Variants in DLG2 observed in about 807,000 individuals in gnomAD.
The protein encoded by DLG2 is disks large homolog 2.
A neutral mutation model predicts 132.5 loss-of-function variants in DLG2; 45 were observed. The observed-to-expected ratio is 0.34, with a 90% CI of 0.27 to 0.44. The LOEUF is 0.44. Among genes scored for constraint, DLG2 ranks in the 20% least tolerant of loss-of-function variants. The pLI is 1.00. For missense variants in DLG2, 1,045 were observed against 1,196.9 expected (o/e 0.87, Z 1.87); for synonymous variants, 424 against 419.6 (o/e 1.01, Z -0.13).
At chr11:83,850,961 G>A (rs1197109714) in intron 16 of DLG2, among the ~76,000 whole-genome samples, 1 of 152,112 alleles carries the variant, frequency 6.6e-6, no homozygotes, top group Non-Finnish European at 1.5e-5. Context: ...CAGATCACGA[G>A]GTCAGGAGAT....
chr11:84,815,935 G>T (rs2077040939), intron 6 of DLG2, among the ~76,000 whole-genome samples: 1 of 151,968 alleles, frequency 6.6e-6, no homozygotes, highest in Non-Finnish European at 1.5e-5. Flanking sequence ...TGTAGCAATT[G>T]CCCAATAGGG....
intron 8 of DLG2, among the ~76,000 whole-genome samples, chr11:84,172,282 C>T (rs2095842573): frequency 6.6e-6 from 1 of 151,974 alleles, no homozygotes; most frequent in Non-Finnish European, 1.5e-5. Flanking sequence ...TTCATTATTC[C>T]TTTCTTTAAA....
At chr11:84,913,311 C>T (rs1301690022) in intron 6 of DLG2, among the ~76,000 whole-genome samples, 2 of 152,036 alleles carry the variant, frequency 1.3e-5, no homozygotes, top group Non-Finnish European at 2.9e-5. Flanking sequence ...GTATTTTTTC[C>T]CCTGTTAGAA....
chr11:84,903,558 CA>C (rs1156808329), intron 6 of DLG2, among the ~76,000 whole-genome samples: 1 of 152,158 alleles, frequency 6.6e-6, no homozygotes, highest in Non-Finnish European at 1.5e-5. Context: ...GCATTGTTCA[CA>C]AACTTAGTTG....
At chr11:84,377,981 A>T (rs1217449310) in intron 7 of DLG2, among the ~76,000 whole-genome samples, 2 of 152,222 alleles carry the variant, frequency 1.3e-5, no homozygotes, top group Non-Finnish European at 2.9e-5. Context: ...AGATTCCTAC[A>T]GAGAGCTGAA....
Position 84,521,738 on chromosome 11 carries a change from A to G in DLG2, c.519+12832T>C, listed in dbSNP as rs114728402. Among the ~76,000 whole-genome samples, 358 of 152,384 alleles carry G rather than the reference A, an allele frequency of 2.3e-3. 2 individuals carry two copies. Among genetic ancestry groups the G allele is most frequent in the African/African-American group, 8.4e-3 (350 of 41,592 alleles). ...CAGCTCAGCTTTAATTGTTTATAAG[A>G]GAAGTAAAACCTACTTTTGGAAATG... On this transcript the variant is annotated intron_variant, in intron 7 of 27. Transcript: ENST00000376104.
chr11:84,006,390 A>G (rs974350707), intron 11 of DLG2, among the ~76,000 whole-genome samples: 6 of 151,682 alleles, frequency 4.0e-5, no homozygotes, highest in Non-Finnish European at 7.4e-5. Context: ...TAGAGTGGCT[A>G]TAGTTAAAAA....
At chr11:85,555,325 T>C (rs2076880673) in intron 3 of DLG2, among the ~76,000 whole-genome samples, 1 of 152,104 alleles carries the variant, frequency 6.6e-6, no homozygotes, top group East Asian at 1.9e-4. Context: ...TTCAGACAAC[T>C]GAGATCTCCT....
intron 7 of DLG2, among the ~76,000 whole-genome samples, chr11:84,510,011 T>C (rs2099252737): frequency 1.3e-5 from 2 of 151,212 alleles, no homozygotes; most frequent in Non-Finnish European, 3.0e-5. Context: ...ATAAATTCAC[T>C]CCTAGGTGCC....
At chr11:84,407,417 C>T (rs959164523) in intron 7 of DLG2, among the ~76,000 whole-genome samples, 4 of 152,130 alleles carry the variant, frequency 2.6e-5, no homozygotes, top group African/African-American at 9.7e-5. Context: ...TCCTCCATGC[C>T]ATCTGACTGT....
chr11:85,194,695 G>A (rs978628258), intron 4 of DLG2, among the ~76,000 whole-genome samples: 1 of 151,968 alleles, frequency 6.6e-6, no homozygotes, highest in South Asian at 2.1e-4. Flanking sequence ...CCTCATAGGG[G>A]CTTATAATCC....
chr11:83,595,130 GA>G (rs58264052), intron 19 of DLG2, among the ~76,000 whole-genome samples: 57,120 of 151,776 alleles, frequency 0.38, 11,044 homozygotes, highest in Admixed American at 0.49. Context: ...CTATTTATGG[GA>G]AAAAAAAACC....
intron 3 of DLG2, among the ~76,000 whole-genome samples, chr11:85,589,871 C>T (rs1481361593): frequency 2.6e-5 from 4 of 152,010 alleles, no homozygotes; most frequent in African/African-American, 9.7e-5. Flanking sequence ...TTCCTGCTTG[C>T]CCCCACATTC....
At chr11:84,424,167 A>G (rs539538389) in intron 7 of DLG2, among the ~76,000 whole-genome samples, 3 of 152,264 alleles carry the variant, frequency 2.0e-5, no homozygotes, top group Admixed American at 6.5e-5. Context: ...TAATCCTAGT[A>G]TCTCTGGTAA....
chr11:84,592,993 C>T (rs911123402), intron 6 of DLG2, among the ~76,000 whole-genome samples: 5 of 133,606 alleles, frequency 3.7e-5, no homozygotes, highest in Non-Finnish European at 7.7e-5. Flanking sequence ...GTGGTGGGCA[C>T]CTGTAGTCCC....
At chr11:85,533,409 A>C (rs1450471638) in intron 3 of DLG2, among the ~76,000 whole-genome samples, 2 of 150,114 alleles carry the variant, frequency 1.3e-5, no homozygotes, top group Non-Finnish European at 3.0e-5. Context: ...TACACACACT[A>C]TATACATATT....
chr11:83,779,643 T>C (rs2094725996), intron 18 of DLG2, among the ~76,000 whole-genome samples: 2 of 152,192 alleles, frequency 1.3e-5, no homozygotes, highest in African/African-American at 2.4e-5. Context: ...TTAACAGCTA[T>C]ACCAATTTTA....
In DLG2 at chr11:83,672,466, C is replaced by T. The variant is rs369851895; in HGVS notation, c.1826-39141G>A. On this transcript the variant is annotated intron_variant, in intron 18 of 27. Transcript: ENST00000376104. ...TGCTGAGATTGCAGGTGTGAGCCACCGTGCCCGGCCTCCTTGATTTTCTTA... is the reference window on the plus strand; with the variant it reads ...TGCTGAGATTGCAGGTGTGAGCCACTGTGCCCGGCCTCCTTGATTTTCTTA... 5.3e-4 allele frequency among the ~76,000 whole-genome samples: 80 copies of T among 152,250 alleles called. 1 individual carries two copies. The highest frequency in any genetic ancestry group is 3.9e-3 in the East Asian group (20 of 5,168).
chr11:84,652,377 G>C (rs2099683120), intron 6 of DLG2, among the ~76,000 whole-genome samples: 1 of 152,136 alleles, frequency 6.6e-6, no homozygotes, highest in Non-Finnish European at 1.5e-5. Flanking sequence ...AGGTGTATGG[G>C]CTATGGGAGG....
Sources: gnomAD v4.1 joint callset for allele counts (sites outside exome capture counted in the v4.1 genomes callset) on GRCh38, gnomAD v4.1.1 for gene constraint, MANE v1.5 for transcripts, NCBI Gene and HGNC (gene_info 2026-07-23, HGNC 2026-07-21) for gene names.